Variants in CEP112 observed in about 807,000 individuals in gnomAD.
The protein encoded by CEP112 is centrosomal protein of 112 kDa.
In CEP112, 127 loss-of-function variants were observed where a neutral mutation model predicts 153.0. That is an observed-to-expected ratio of 0.83 (90% CI 0.72 to 0.96). CEP112 has a LOEUF of 0.96. CEP112 is among the 40% of genes least tolerant of loss of function. The probability of loss-of-function intolerance (pLI) is 0.00; values close to 1 mark genes in which losing one functional copy is unlikely to be tolerated. For synonymous variants in CEP112, 358 were observed against 374.4 expected (o/e 0.96, Z 0.51); for missense variants, 1,089 against 1,101.2 (o/e 0.99, Z 0.16).
At chr17:65,975,587 CAAAT>C (rs2063003759) in intron 17 of CEP112, among the ~76,000 whole-genome samples, 1 of 152,046 alleles carries the variant, frequency 6.6e-6, no homozygotes, top group South Asian at 2.1e-4. Context: ...TTCTCAGTGT[CAAAT>C]AAGAAATCAT....
intron 25 of CEP112, among the ~76,000 whole-genome samples, chr17:65,639,238 A>G (rs1056869038): frequency 1.3e-5 from 2 of 152,206 alleles, no homozygotes; most frequent in Admixed American, 6.5e-5. Context: ...CTTACATACT[A>G]TAAATAGATA....
intron 20 of CEP112, among the ~76,000 whole-genome samples, chr17:65,892,118 A>G (rs2059489287): frequency 6.6e-6 from 1 of 152,198 alleles, no homozygotes; most frequent in Admixed American, 6.5e-5. Context: ...ACGGCCATAT[A>G]GGCCATGCCC....
intron 21 of CEP112, among the ~76,000 whole-genome samples, chr17:65,819,917 C>T (rs1488427611): frequency 6.6e-6 from 1 of 151,964 alleles, no homozygotes; most frequent in African/African-American, 2.4e-5. Context: ...AATGGAAAAG[C>T]TAGTGAAATT....
chr17:66,184,971 G>A (rs2072867218), intron 1 of CEP112, among the ~76,000 whole-genome samples: 3 of 152,080 alleles, frequency 2.0e-5, no homozygotes, highest in Admixed American at 2.0e-4. Context: ...AGTGAAAGAA[G>A]CCCTTCTCAA....
At chr17:66,180,127 G>C (rs2072657472) in intron 2 of CEP112, among the ~76,000 whole-genome samples, 1 of 152,024 alleles carries the variant, frequency 6.6e-6, no homozygotes, top group Admixed American at 6.6e-5. Context: ...TGTTCATCAG[G>C]GATACTGGCC....
intron 23 of CEP112, among the ~76,000 whole-genome samples, chr17:65,717,122 T>G (rs1473214779): frequency 6.6e-6 from 1 of 152,242 alleles, no homozygotes; most frequent in South Asian, 2.1e-4. Flanking sequence ...AAAATGCTAC[T>G]TTTATGACTG....
In CEP112 at chr17:65,902,834, C is replaced by T. The variant is rs75501437; in HGVS notation, c.1981-500G>A. ...GATAAATTTCAAAGCTCTATTATCT[C>T]GTTGTCAGCTACGGTATACCAACAT... On this transcript the variant is annotated intron_variant, in intron 19 of 26. Transcript: ENST00000535342. 4.7e-3 allele frequency among the ~76,000 whole-genome samples: 711 copies of T among 152,190 alleles called. 6 individuals are homozygous for T. The highest frequency in any genetic ancestry group is 0.016 in the African/African-American group (652 of 41,528).
At chr17:65,657,010 G>A (rs2046095501) in intron 24 of CEP112, among the ~76,000 whole-genome samples, 1 of 152,172 alleles carries the variant, frequency 6.6e-6, no homozygotes, top group East Asian at 1.9e-4. Flanking sequence ...TTAATAAGTA[G>A]GCTGGCTTCA....
At chr17:65,877,183 A>G (rs185032044) in intron 20 of CEP112, among the ~76,000 whole-genome samples, 229 of 152,254 alleles carry the variant, frequency 1.5e-3, no homozygotes, top group African/African-American at 5.3e-3. Flanking sequence ...CAGTTTTCCC[A>G]CCTTGGGCTT....
intron 19 of CEP112, among the ~76,000 whole-genome samples, chr17:65,921,568 G>T (rs1027284248): frequency 6.6e-6 from 1 of 151,948 alleles, no homozygotes; most frequent in Admixed American, 6.6e-5. Flanking sequence ...TCTCAGCATT[G>T]ATTCTAATGT....
chr17:65,679,750 C>A (rs1202611570), intron 24 of CEP112, among the ~76,000 whole-genome samples: 1 of 152,144 alleles, frequency 6.6e-6, no homozygotes, highest in African/African-American at 2.4e-5. Context: ...CAGTGCTATC[C>A]ACTGAAAGCT....
At chr17:65,718,040 G>A (rs191731796) in intron 23 of CEP112, among the ~76,000 whole-genome samples, 1 of 152,168 alleles carries the variant, frequency 6.6e-6, no homozygotes, top group East Asian at 1.9e-4. Context: ...ACAAAAGCAC[G>A]GGGGCATAAA....
At chr17:65,708,627 G>A (rs903264855) in intron 23 of CEP112, among the ~76,000 whole-genome samples, 1 of 151,988 alleles carries the variant, frequency 6.6e-6, no homozygotes, top group East Asian at 1.9e-4. Flanking sequence ...CTTGCCCCTT[G>A]GTGAAAATTC....
At chr17:65,662,541 A>C (rs1314880188) in intron 24 of CEP112, among the ~76,000 whole-genome samples, 1 of 152,202 alleles carries the variant, frequency 6.6e-6, no homozygotes, top group African/African-American at 2.4e-5. Context: ...CATTTCTTTA[A>C]TATTAAAAAT....
chr17:65,970,362 T>TATTACATGTACACATCATGCATGTAA lies in CEP112; in HGVS notation c.1737-8765_1737-8764insTTACATGCATGATGTGTACATGTAAT, dbSNP rs1568313456. On this transcript the variant is annotated intron_variant, in intron 17 of 26. Coordinates refer to ENST00000535342, the MANE Select transcript of CEP112 (RefSeq NM_001199165.4). ...TACATGCATGTGCACTATGTGCCTA[T>TATTACATGTACACATCATGCATGTAA]ATTACATGCACACATCATGCATATA... Among the ~76,000 whole-genome samples, 12 of 135,050 alleles carry TATTACATGTACACATCATGCATGTAA rather than the reference T, an allele frequency of 8.9e-5. 2 individuals are homozygous for TATTACATGTACACATCATGCATGTAA. Among genetic ancestry groups the TATTACATGTACACATCATGCATGTAA allele is most frequent in the Admixed American group, 5.0e-4 (7 of 13,934 alleles). 88.6% of individuals were successfully genotyped at this position (135,050 alleles called of 152,430 possible). A position where few individuals can be genotyped will look rare whatever the true frequency, so the allele number is the denominator to read the frequency against.
intron 17 of CEP112, among the ~76,000 whole-genome samples, chr17:66,002,834 A>T (rs554509476): frequency 2.6e-4 from 40 of 152,336 alleles, no homozygotes; most frequent in African/African-American, 8.7e-4. Flanking sequence ...TAATAACTAC[A>T]TGGATAAATA....
intron 18 of CEP112, among the ~76,000 whole-genome samples, chr17:65,933,107 C>A (rs1204098885): frequency 1.3e-5 from 2 of 151,946 alleles, no homozygotes; most frequent in Non-Finnish European, 2.9e-5. Context: ...TCAGTGAGTT[C>A]AAAGACAGGA....
At chr17:66,103,118 G>A (rs751280705) in intron 6 of CEP112, among the ~76,000 whole-genome samples, 9 of 151,990 alleles carry the variant, frequency 5.9e-5, no homozygotes, top group African/African-American at 1.9e-4. Flanking sequence ...CCAGCTACTC[G>A]GAAGGCTGAG....
intron 18 of CEP112, among the ~76,000 whole-genome samples, chr17:65,939,147 G>A (rs1431548577): frequency 6.6e-6 from 1 of 151,948 alleles, no homozygotes; most frequent in Non-Finnish European, 1.5e-5. Context: ...ATTTATAATA[G>A]CAATAAAAAT....
Sources: allele counts gnomAD v4.1 joint callset (sites outside exome capture counted in the v4.1 genomes callset), GRCh38; gene constraint gnomAD v4.1.1; transcripts MANE v1.5; gene names NCBI Gene and HGNC (gene_info 2026-07-23, HGNC 2026-07-21).